PDS5A: variants seen among roughly 807,000 people sequenced by gnomAD.
PDS5A encodes the protein sister chromatid cohesion protein PDS5 homolog A.
In PDS5A, 42 loss-of-function variants were observed where a neutral mutation model predicts 167.1. That is an observed-to-expected ratio of 0.25 (90% CI 0.20 to 0.33). The LOEUF (loss-of-function observed/expected upper bound fraction) is 0.33, where lower values mean the gene tolerates loss of function less well. Ranked by LOEUF, PDS5A falls within the 10% of genes least tolerant of loss-of-function variation. PDS5A has a pLI of 1.00. For synonymous variants in PDS5A, 553 were observed against 554.6 expected, an observed-to-expected ratio of 1.00 and a Z score of 0.04; for missense variants, 1,033 against 1,605.9, an observed-to-expected ratio of 0.64 and a Z score of 6.10.
At chr4:39,836,810 C>CT (rs35685046) in intron 32 of PDS5A, among the ~76,000 whole-genome samples, 34,482 of 128,724 alleles carry the variant, frequency 0.27, 5,408 homozygotes, top group Middle Eastern at 0.39. Flanking sequence ...GCTTCAGTAA[C>CT]TTTTTTTTTT....
At chr4:39,909,957 G>A (rs1192600954) in intron 10 of PDS5A, 1 of 246,516 alleles carries the variant, frequency 4.1e-6, no homozygotes, top group African/African-American at 2.2e-5. Flanking sequence ...AAGATTTTAA[G>A]CTGGGCATTG....
intron 2 of PDS5A, among the ~76,000 whole-genome samples, chr4:39,959,829 G>A (rs552625664): frequency 6.6e-5 from 10 of 151,758 alleles, no homozygotes; most frequent in African/African-American, 2.2e-4. Context: ...GGTGGTTCAC[G>A]CCTGTAAACC....
chr4:39,921,696 G>T (rs1047263341), intron 6 of PDS5A, among the ~76,000 whole-genome samples: 1 of 151,518 alleles, frequency 6.6e-6, no homozygotes, highest in Non-Finnish European at 1.5e-5. Context: ...AGGCGGCAAT[G>T]AGCCAAGATA....
At chr4:39,848,669 A>T in intron 28 of PDS5A, 182 bp downstream of exon 28, 1 of 577,734 alleles carries the variant, frequency 1.7e-6, no homozygotes, top group Non-Finnish European at 3.1e-6. Flanking sequence ...CAGTATGTGT[A>T]GTCTTCTGTT....
At chr4:39,914,158 ATTTGT>A (rs780828261) in intron 8 of PDS5A, among the ~76,000 whole-genome samples, 6,719 of 133,156 alleles carry the variant, frequency 0.05, 228 homozygotes, top group East Asian at 0.25. Context: ...TGATATACAA[ATTTGT>A]TTTTTTTTTT....
intron 17 of PDS5A, among the ~76,000 whole-genome samples, chr4:39,881,193 A>G (rs554342210): frequency 6.6e-6 from 1 of 151,938 alleles, no homozygotes; most frequent in South Asian, 2.1e-4. Context: ...TATTTTCTTT[A>G]CCCATTCATT....
intron 32 of PDS5A, among the ~76,000 whole-genome samples, chr4:39,827,429 G>T (rs1280668928): frequency 6.6e-6 from 1 of 152,176 alleles, no homozygotes; most frequent in African/African-American, 2.4e-5. Context: ...TCCTGGACTT[G>T]ATTCTATGTA....
At chr4:39,966,679 C>T (rs2109817389) in intron 2 of PDS5A, among the ~76,000 whole-genome samples, 1 of 152,200 alleles carries the variant, frequency 6.6e-6, no homozygotes, top group South Asian at 2.1e-4. Context: ...TCTCTGAGAT[C>T]AGATAGTTAA....
chr4:39,910,322 C>T lies in PDS5A; in HGVS notation c.1009G>A (p.Val337Ile). 6.6e-7 allele frequency: 1 copy of T among 1,522,164 alleles called. No individual in the cohort carries two copies. The highest frequency in any genetic ancestry group is 9.1e-7 in the Non-Finnish European group (1 of 1,103,550). 94.3% of individuals were successfully genotyped at this position (1,522,164 alleles called of 1,614,324 possible). Reference sequence around the variant, plus strand: ...TTCACACTTTCTAATCTCACAGGAACATGAATATCATTAAATCTACACAGA... The same window carrying T: ...TTCACACTTTCTAATCTCACAGGAATATGAATATCATTAAATCTACACAGA... The part of the protein sequence containing the change: ...CFLGRFNDIH[V>I]PVRLESVKFA... The change falls in exon 10 of 33, where the codon GTT (valine) becomes ATT (isoleucine). Residue 337 changes from valine to isoleucine, a missense_variant. Transcript: ENST00000303538.
At chr4:39,844,227 C>T (rs1360339086) in intron 30 of PDS5A, among the ~76,000 whole-genome samples, 1 of 152,036 alleles carries the variant, frequency 6.6e-6, no homozygotes, top group Non-Finnish European at 1.5e-5. Context: ...GTAATCCCAA[C>T]ACTTTGGGAG....
chr4:39,829,943 T>G (rs190635745), intron 32 of PDS5A, among the ~76,000 whole-genome samples: 5 of 72,792 alleles, frequency 6.9e-5, no homozygotes, highest in African/African-American at 3.9e-4. Flanking sequence ...AGACTGAGAC[T>G]CCAACTCAAA....
intron 2 of PDS5A, among the ~76,000 whole-genome samples, chr4:39,933,750 C>G (rs1726308845): frequency 6.6e-6 from 1 of 152,142 alleles, no homozygotes; most frequent in African/African-American, 2.4e-5. Flanking sequence ...TCATTCTTCC[C>G]TTTTTTAAAT....
chr4:39,922,532 G>C (rs999525932), intron 6 of PDS5A, 90 bp downstream of exon 6: 1 of 1,122,204 alleles, frequency 8.9e-7, no homozygotes, highest in African/African-American at 1.6e-5. Context: ...CAATTACATG[G>C]GATTGCAAAT....
chr4:39,909,087 AAATAAAATAC>A (rs1381208253), intron 10 of PDS5A, among the ~76,000 whole-genome samples: 1 of 142,206 alleles, frequency 7.0e-6, no homozygotes, highest in East Asian at 2.1e-4. Context: ...AAATAAAATA[AAATAAAATAC>A]TTCACAGTTA....
At position 39,825,153 on chromosome 4, in the gene PDS5A, T is replaced by A. The variant is rs1715177505; in HGVS notation, c.*332A>T. 8.2e-6 allele frequency: 2 copies of A among 245,104 alleles called. No homozygotes were observed. The highest frequency in any genetic ancestry group is 1.5e-5 in the Non-Finnish European group (2 of 129,126). The allele number at this position is 245,104 out of a possible 1,614,324, so 15.2% of individuals were successfully genotyped here. A position where few individuals can be genotyped will look rare whatever the true frequency, so the allele number is the denominator to read the frequency against. ...AACTGCAGCGTGGAAATTAATGGTG[T>A]ATTACGCATTTAAACTCCAGATAGG... On this transcript the variant is annotated 3_prime_UTR_variant, in exon 33 of 33. Transcript: ENST00000303538.
intron 17 of PDS5A, among the ~76,000 whole-genome samples, chr4:39,889,138 T>C (rs796682031): frequency 2.6e-5 from 4 of 152,234 alleles, no homozygotes; most frequent in African/African-American, 7.2e-5. Flanking sequence ...AAAATAAGAT[T>C]GAATGGGTGG....
chr4:39,938,165 C>T (rs933389534), intron 2 of PDS5A, among the ~76,000 whole-genome samples: 3 of 152,162 alleles, frequency 2.0e-5, no homozygotes, highest in African/African-American at 7.2e-5. Context: ...GTTATCTGAC[C>T]ACTTGGCAGC....
At chr4:39,840,515 C>T (rs1338985794) in intron 31 of PDS5A, among the ~76,000 whole-genome samples, 1 of 152,142 alleles carries the variant, frequency 6.6e-6, no homozygotes, top group African/African-American at 2.4e-5. Context: ...CCTGCCTCAG[C>T]CTCCCAAGCA....
At chr4:39,890,982 T>G (rs945047489) in intron 16 of PDS5A, among the ~76,000 whole-genome samples, 1 of 152,100 alleles carries the variant, frequency 6.6e-6, no homozygotes, top group African/African-American at 2.4e-5. Context: ...TGGGTATGCT[T>G]TATTGGTTTT....
Sources: allele counts gnomAD v4.1 joint callset (sites outside exome capture counted in the v4.1 genomes callset), GRCh38; gene constraint gnomAD v4.1.1; transcripts MANE v1.5; gene names NCBI Gene and HGNC (gene_info 2026-07-23, HGNC 2026-07-21).